METTL14: variants seen among roughly 807,000 people sequenced by gnomAD.
METTL14 encodes N(6)-adenosine-methyltransferase non-catalytic subunit METTL14.
METTL14 carries 32 observed loss-of-function variants against 62.4 expected under a neutral mutation model. The observed-to-expected ratio is 0.51, with a 90% CI of 0.39 to 0.69. The LOEUF is 0.69. Ranked by LOEUF, METTL14 falls within the 30% of genes least tolerant of loss-of-function variation. The pLI, the probability that METTL14 is intolerant of heterozygous loss-of-function variation, is 0.00. For missense variants in METTL14, 340 were observed against 551.9 expected (o/e 0.62, Z 3.85); for synonymous variants, 150 against 180.0 (o/e 0.83, Z 1.34).
rs537896554 is a variant in METTL14, at chr4:118,694,743, C to T, written c.503+217C>T. Among the ~76,000 whole-genome samples, 5 of 152,250 alleles carry T rather than the reference C, an allele frequency of 3.3e-5. No homozygotes were observed. In the East Asian group the frequency reaches 9.7e-4, roughly 29 times the overall value. ...CTCCTGGGCTCAAGCAATCCTCCCA[C>T]CTCACCTGGACTACAGGCATTTCAG... On this transcript the variant is annotated intron_variant, in intron 6 of 10. Coordinates refer to ENST00000388822, the MANE Select transcript of METTL14 (RefSeq NM_020961.4).
intron 10 of METTL14, among the ~76,000 whole-genome samples, chr4:118,706,252 T>C (rs912925509): frequency 3.9e-5 from 6 of 152,242 alleles, no homozygotes; most frequent in Non-Finnish European, 5.9e-5. Context: ...GCTCCACTTA[T>C]TCATCCCTAC....
chr4:118,704,372 G>C (rs1273905258), intron 9 of METTL14, among the ~76,000 whole-genome samples: 1 of 152,118 alleles, frequency 6.6e-6, no homozygotes, highest in African/African-American at 2.4e-5. Flanking sequence ...TAGCAAGATC[G>C]CAAGACTCGA....
Position 118,710,378 on chromosome 4 carries a change from C to A in METTL14, c.*76C>A. 1 of 1,375,526 alleles carries A rather than the reference C, an allele frequency of 7.3e-7. No homozygotes were observed. The highest frequency in any genetic ancestry group is 9.8e-7 in the Non-Finnish European group (1 of 1,019,528). The allele number at this position is 1,375,526 out of a possible 1,614,324, so 85.2% of individuals were successfully genotyped here. A position where few individuals can be genotyped will look rare whatever the true frequency, so the allele number is the denominator to read the frequency against. Reference sequence around the variant, plus strand: ...ATTAAATTTCAAGTGGGAGACTTAACTTTAGAACTCACTTCCAGCTTGCAC... The same window carrying A: ...ATTAAATTTCAAGTGGGAGACTTAAATTTAGAACTCACTTCCAGCTTGCAC... On this transcript the variant is annotated 3_prime_UTR_variant, in exon 11 of 11. Coordinates refer to ENST00000388822, the MANE Select transcript of METTL14 (RefSeq NM_020961.4).
At position 118,712,596 on chromosome 4, in the gene METTL14, G is replaced by C. The variant is rs936848943; in HGVS notation, c.*2294G>C. The C allele has an allele frequency of 6.6e-6, 1 of 151,632 alleles. No individual in the cohort carries two copies. The highest frequency in any genetic ancestry group is 2.1e-4 in the South Asian group (1 of 4,780). The allele number at this position is 151,632 out of a possible 1,614,324, so 9.4% of individuals were successfully genotyped here. A position where few individuals can be genotyped will look rare whatever the true frequency, so the allele number is the denominator to read the frequency against. The stretch of plus-strand genomic sequence containing the variant: ...GATTGTGCCACTGCACTCCAGCCTG[G>C]GCGACAGAGTGAGACTCTGTCTCAA... On this transcript the variant is annotated 3_prime_UTR_variant, in exon 11 of 11. Transcript: ENST00000388822.
At chr4:118,697,351 G>T (rs1284525371) in intron 7 of METTL14, 28 bp downstream of exon 7, 1 of 1,551,714 alleles carries the variant, frequency 6.4e-7, no homozygotes, top group Admixed American at 2.1e-5. Context: ...ACATTGTAAT[G>T]AATTATTTAT....
intron 10 of METTL14, among the ~76,000 whole-genome samples, chr4:118,709,154 T>C (rs764648986): frequency 1.3e-5 from 2 of 152,024 alleles, no homozygotes; most frequent in Non-Finnish European, 2.9e-5. Context: ...GAAAAGAAAA[T>C]AATATGGGCA....
At chr4:118,705,879 T>C (rs1300073028) in intron 10 of METTL14, 58 bp downstream of exon 10, 29 of 1,260,772 alleles carry the variant, frequency 2.3e-5, no homozygotes, top group Non-Finnish European at 3.2e-5. Context: ...TGTCAAGAAA[T>C]AGGACATGGT....
Position 118,685,398 on chromosome 4 carries a change from C to T in METTL14, c.-137C>T, listed in dbSNP as rs568037846. 2 of 867,952 alleles carry T rather than the reference C, an allele frequency of 2.3e-6. No homozygotes were observed. Among genetic ancestry groups the T allele is most frequent in the East Asian group, 2.7e-5 (1 of 37,710 alleles). The allele number at this position is 867,952 out of a possible 1,614,324, so 53.8% of individuals were successfully genotyped here. On this transcript the variant is annotated 5_prime_UTR_variant, in exon 1 of 11. Transcript: ENST00000388822. Reference sequence around the variant, plus strand: ...CCAATTCCGGCCGCGCCGGAAGTCTCTACTGAGGAAAGCTATGAGGATACT... The same window carrying T: ...CCAATTCCGGCCGCGCCGGAAGTCTTTACTGAGGAAAGCTATGAGGATACT...
chr4:118,703,568 G>T (rs1363868034), intron 8 of METTL14, among the ~76,000 whole-genome samples: 2 of 152,188 alleles, frequency 1.3e-5, no homozygotes, highest in African/African-American at 4.8e-5. Flanking sequence ...GAGTTGGCAG[G>T]AATCAAATTG....
chr4:118,700,460 A>G, intron 7 of METTL14, 90 bp from the exon 8 acceptor site: 3 of 990,260 alleles, frequency 3.0e-6, no homozygotes, highest in Non-Finnish European at 4.7e-6. Context: ...GAACACATCT[A>G]TCCTAATAAA....
chr4:118,689,329 CT>C, intron 2 of METTL14, 40 bp from the exon 3 acceptor site: 1 of 1,080,812 alleles, frequency 9.3e-7, no homozygotes, highest in Non-Finnish European at 1.4e-6. Context: ...ATTTATACAT[CT>C]TGTATATATT....
Position 118,705,611 on chromosome 4 carries a change from G to GA in METTL14, c.858dup (p.His287ThrfsTer13), listed in dbSNP as rs1724734151. 6.2e-7 allele frequency: 1 copy of GA among 1,613,462 alleles called. No individual in the cohort carries two copies. Among genetic ancestry groups the GA allele is most frequent in the African/African-American group, 1.3e-5 (1 of 75,024 alleles). On this transcript the variant is annotated frameshift_variant and splice_region_variant, in exon 10 of 11. Transcript: ENST00000388822. LOFTEE classifies it high-confidence loss of function. Reference sequence around the variant, plus strand: ...TAATTGGTCTGCTCTTGTTATTTAGGAACACTGCCTCATGGGGATCAAAGG... The same window carrying GA: ...TAATTGGTCTGCTCTTGTTATTTAGGAAACACTGCCTCATGGGGATCAAAGG...
In METTL14 at chr4:118,685,545, G is replaced by A; in HGVS notation, c.11G>A (p.Arg4His). The A allele has an allele frequency of 6.2e-7, 1 of 1,614,136 alleles. No individual in the cohort carries two copies. Among genetic ancestry groups the A allele is most frequent in the Non-Finnish European group, 8.5e-7 (1 of 1,180,012 alleles). The change falls in exon 1 of 11, where the codon CGC becomes CAC. Residue 4 changes from arginine (R) to histidine (H), a missense_variant. Physicochemically the swap from Arg to His is conservative, Grantham distance 29 (BLOSUM62 0). This residue lies in a region of METTL14 where 111 missense variants were observed against 116.6 expected (regional missense o/e 0.95). Transcript: ENST00000388822. ...AGCCGGAGTTGGAACATGGATAGCC[G>A]CTTGCAGGAGATCCGGGAGCGGCAG... MDS[R>H]LQEIRERQKL...
chr4:118,693,138 A>G (rs772016052), intron 5 of METTL14, among the ~76,000 whole-genome samples: 1 of 152,262 alleles, frequency 6.6e-6, no homozygotes, highest in Non-Finnish European at 1.5e-5. Flanking sequence ...ATTTCTTCAC[A>G]TCTTTGGCAC....
At chr4:118,704,898 T>C (rs1204773711) in intron 9 of METTL14, among the ~76,000 whole-genome samples, 1 of 152,180 alleles carries the variant, frequency 6.6e-6, no homozygotes, top group Non-Finnish European at 1.5e-5. Context: ...AATCTGGACT[T>C]GTGATTGGTA....
rs952778039 is a variant in METTL14, at chr4:118,712,858, GC to G, written c.*2559del. On this transcript the variant is annotated 3_prime_UTR_variant, in exon 11 of 11. Coordinates refer to ENST00000388822, the MANE Select transcript of METTL14 (RefSeq NM_020961.4). ...CCTTTCAGAGGATGGGGATTAGGAGGCCCAAAGTACTGATTGAGTAGGAATA... is the reference window on the plus strand; with the variant it reads ...CCTTTCAGAGGATGGGGATTAGGAGGCCAAAGTACTGATTGAGTAGGAATA... The G allele has an allele frequency of 6.6e-6, 1 of 152,054 alleles. No homozygotes were observed. Among genetic ancestry groups the G allele is most frequent in the African/African-American group, 2.4e-5 (1 of 41,382 alleles). The allele number at this position is 152,054 out of a possible 1,614,324, so 9.4% of individuals were successfully genotyped here. A position where few individuals can be genotyped will look rare whatever the true frequency, so the allele number is the denominator to read the frequency against.
chr4:118,686,343 A>G (rs915551139), intron 1 of METTL14, among the ~76,000 whole-genome samples: 1 of 152,264 alleles, frequency 6.6e-6, no homozygotes, highest in South Asian at 2.1e-4. Flanking sequence ...GCTGATTAGT[A>G]GAGTGCACAT....
chr4:118,692,457 G>A (rs568371826), intron 5 of METTL14, among the ~76,000 whole-genome samples: 35 of 152,102 alleles, frequency 2.3e-4, no homozygotes, highest in East Asian at 7.7e-4. Flanking sequence ...TGGAACTCCC[G>A]AGGTTTCACC....
intron 1 of METTL14, among the ~76,000 whole-genome samples, chr4:118,686,867 A>C (rs1005039120): frequency 6.6e-6 from 1 of 152,186 alleles, no homozygotes; most frequent in East Asian, 1.9e-4. Context: ...AATTGGTTGC[A>C]CTCTACTTAG....
Sources: allele counts gnomAD v4.1 joint callset (sites outside exome capture counted in the v4.1 genomes callset), GRCh38; gene constraint gnomAD v4.1.1; regional missense constraint gnomAD v4.1.1; transcripts MANE v1.5; gene names NCBI Gene and HGNC (gene_info 2026-07-23, HGNC 2026-07-21).